The following MID1 variants were observed in gnomAD, a reference collection of about 807,000 sequenced individuals.
MID1 encodes the protein midline 1.
Under a neutral mutation model 40.4 loss-of-function variants are expected in MID1, and 7 were observed. The ratio of observed to expected loss-of-function variants is 0.17; its 90% confidence interval spans 0.10 to 0.33. The LOEUF (loss-of-function observed/expected upper bound fraction) is 0.33, where lower values mean the gene tolerates loss of function less well. MID1 is among the 10% of genes least tolerant of loss of function. The pLI, the probability that MID1 is intolerant of heterozygous loss-of-function variation, is 1.00. For synonymous variants in MID1, 229 were observed against 221.2 expected (o/e 1.04, Z -0.31); for missense variants, 367 against 558.5 (o/e 0.66, Z 3.46).
At chrX:10,537,169 T>C (rs1933290392) in intron 2 of MID1, among the ~76,000 whole-genome samples, 1 of 110,977 alleles carries the variant, frequency 9.0e-6, no homozygotes, top group East Asian at 2.8e-4. Flanking sequence ...GTATTCTTGA[T>C]TACTTATAAA....
rs1213302774 is a variant in MID1, at chrX:10,712,627, C to T, written c.-186-92208G>A. 3.0e-4 allele frequency among the ~76,000 whole-genome samples: 33 copies of T among 110,694 alleles called. No homozygotes were observed. In the Admixed American group the frequency reaches 3.2e-3, roughly 11 times the overall value. On this transcript the variant is annotated intron_variant, in intron 1 of 10. Transcript: ENST00000380785. ...GCACTTGGATCTCTCAAGTCACCCA[C>T]TTGGTCCTCTTCCAAGTGTACTTTG...
chrX:10,790,340 G>T (rs1210322272), intron 1 of MID1, among the ~76,000 whole-genome samples: 1 of 108,740 alleles, frequency 9.2e-6, no homozygotes, highest in African/African-American at 3.4e-5. Context: ...GTAGAGATGG[G>T]GTCTCACTAT....
At chrX:10,455,726 T>A (rs1272973024) in intron 8 of MID1, among the ~76,000 whole-genome samples, 4 of 111,941 alleles carry the variant, frequency 3.6e-5, no homozygotes, top group Admixed American at 2.8e-4. Flanking sequence ...GCATTACTCT[T>A]AGGAATTTAG....
chrX:10,806,858 A>G (rs1875295824), intron 1 of MID1, among the ~76,000 whole-genome samples: 1 of 112,443 alleles, frequency 8.9e-6, no homozygotes, highest in Non-Finnish European at 1.9e-5. Context: ...ATAAGAAAGT[A>G]AAATTTCCTC....
At chrX:10,803,494 C>T (rs998559855) in intron 1 of MID1, among the ~76,000 whole-genome samples, 8 of 108,823 alleles carry the variant, frequency 7.4e-5, no homozygotes, top group African/African-American at 2.3e-4. Context: ...CTGGGATTTC[C>T]GGCATGCACC....
At chrX:10,654,431 G>A (rs147909979) in intron 1 of MID1, among the ~76,000 whole-genome samples, 2,122 of 111,569 alleles carry the variant, frequency 0.019, 46 homozygotes, top group African/African-American at 0.065. Context: ...CCATGAATCC[G>A]GGATGGGTGG....
rs193269229 is a variant in MID1 at position 10,755,550 on chromosome X, G to T, written c.-187+78004C>A. 2.5e-3 allele frequency among the ~76,000 whole-genome samples: 280 copies of T among 112,225 alleles called. 1 individual carries two copies. Among genetic ancestry groups the T allele is most frequent in the Middle Eastern group, 4.6e-3 (1 of 218 alleles). ...TGGCAAAGACATTTGGTAAAAGGCA[G>T]ACTACAGCATGACTAAAACAGAATC... On this transcript the variant is annotated intron_variant, in intron 1 of 10. Transcript: ENST00000380785.
chrX:10,637,234 A>G (rs1389294700), intron 1 of MID1, among the ~76,000 whole-genome samples: 1 of 111,340 alleles, frequency 9.0e-6, no homozygotes, highest in Non-Finnish European at 1.9e-5. Context: ...AAAAACTTGA[A>G]GGTTTCAAAC....
chrX:10,617,085 C>T (rs935029984), intron 1 of MID1, among the ~76,000 whole-genome samples: 1 of 111,883 alleles, frequency 8.9e-6, no homozygotes, highest in Non-Finnish European at 1.9e-5. Flanking sequence ...AAAAGAATGT[C>T]GTAAGAGAGA....
intron 4 of MID1, among the ~76,000 whole-genome samples, chrX:10,488,235 C>T (rs1353339441): frequency 9.0e-6 from 1 of 111,028 alleles, no homozygotes; most frequent in Non-Finnish European, 1.9e-5. Flanking sequence ...CCACCTGCCT[C>T]GGCCTCCCAA....
At chrX:10,662,891 A>G (rs1278890366) in intron 1 of MID1, among the ~76,000 whole-genome samples, 2 of 111,489 alleles carry the variant, frequency 1.8e-5, no homozygotes. Flanking sequence ...CCTTGCTCAG[A>G]GTACTTCATT....
intron 1 of MID1, among the ~76,000 whole-genome samples, chrX:10,570,360 C>T (rs1326160737): frequency 8.9e-6 from 1 of 112,234 alleles, no homozygotes; most frequent in Non-Finnish European, 1.9e-5. Flanking sequence ...ATTCTTCCCC[C>T]ATCTCGGTTT....
At chrX:10,638,393 G>A (rs1484439338) in intron 1 of MID1, among the ~76,000 whole-genome samples, 1 of 112,224 alleles carries the variant, frequency 8.9e-6, no homozygotes, top group Non-Finnish European at 1.9e-5. Context: ...CACACCCACA[G>A]AGCCTGGCTC....
At chrX:10,482,342 A>C in intron 5 of MID1, 138 bp downstream of exon 5, 1 of 686,583 alleles carries the variant, frequency 1.5e-6, no homozygotes, top group Non-Finnish European at 2.3e-6. Context: ...CTGGAACAAA[A>C]CAGCTCAAAG....
chrX:10,813,420 T>C (rs2044116060), intron 1 of MID1, among the ~76,000 whole-genome samples: 2 of 111,511 alleles, frequency 1.8e-5, no homozygotes, highest in East Asian at 2.8e-4. Context: ...TGTAATTATC[T>C]CTATTTTTCT....
At chrX:10,782,268 C>A (rs1326119485) in intron 1 of MID1, among the ~76,000 whole-genome samples, 1 of 111,607 alleles carries the variant, frequency 9.0e-6, no homozygotes, top group African/African-American at 3.3e-5. Context: ...AATTCTATGA[C>A]CTCAATGTGT....
At chrX:10,738,439 CA>C (rs2043501071) in intron 1 of MID1, among the ~76,000 whole-genome samples, 1 of 111,503 alleles carries the variant, frequency 9.0e-6, no homozygotes, top group African/African-American at 3.3e-5. Flanking sequence ...TCATGAAAAA[CA>C]AATGACAACA....
upstream of MID1, among the ~76,000 whole-genome samples, chrX:10,625,412 A>G (rs188640344): frequency 5.4e-4 from 61 of 112,866 alleles, no homozygotes; most frequent in African/African-American, 1.9e-3. Context: ...TAGCCAAGTT[A>G]ACACATAAAC....
chrX:10,680,219 A>G (rs1479244125), intron 1 of MID1, among the ~76,000 whole-genome samples: 1 of 112,048 alleles, frequency 8.9e-6, no homozygotes, highest in Non-Finnish European at 1.9e-5. Context: ...AGAATTATTT[A>G]GCCTTCAGAG....
Sources: allele counts gnomAD v4.1 joint callset (sites outside exome capture counted in the v4.1 genomes callset), GRCh38; gene constraint gnomAD v4.1.1; transcripts MANE v1.5; gene names NCBI Gene and HGNC (gene_info 2026-07-23, HGNC 2026-07-21).